NSRP1: variants seen among roughly 807,000 people sequenced by gnomAD.
The protein encoded by NSRP1 is coiled-coil domain containing 55.
In NSRP1, 24 loss-of-function variants were observed where a neutral mutation model predicts 54.7. The ratio of observed to expected loss-of-function variants is 0.44; its 90% CI spans 0.32 to 0.62. The LOEUF (loss-of-function observed/expected upper bound fraction) is 0.62, where lower values mean the gene tolerates loss of function less well. Ranked by LOEUF, NSRP1 falls within the 20% of genes least tolerant of loss-of-function variation. NSRP1 has a pLI of 0.06. For synonymous variants in NSRP1, 210 were observed against 213.8 expected (o/e 0.98, Z 0.15); for missense variants, 596 against 651.2 (o/e 0.92, Z 0.92).
chr17:30,133,711 C>T lies in NSRP1; in HGVS notation c.114+15538C>T, dbSNP rs555413394. On this transcript the variant is annotated intron_variant, in intron 2 of 6. Transcript: ENST00000247026. ...ATTGAGAATCTGTTGTTTATTGTAGCCACTTTCATTGATGGTCCCTGTTAG... is the reference window on the plus strand; with the variant it reads ...ATTGAGAATCTGTTGTTTATTGTAGTCACTTTCATTGATGGTCCCTGTTAG... Among the ~76,000 whole-genome samples, 9 of 152,270 alleles carry T rather than the reference C, an allele frequency of 5.9e-5. No homozygotes were observed. In the South Asian group the frequency reaches 1.9e-3, roughly 32 times the overall value.
chr17:30,180,991 C>T lies in NSRP1; in HGVS notation c.592C>T (p.Pro198Ser). The T allele has an allele frequency of 1.9e-6, 3 of 1,611,512 alleles. No homozygotes were observed. The highest frequency in any genetic ancestry group is 2.2e-5 in the East Asian group (1 of 44,846). ...LNQAVGEEEV[P>S]KCSFREARSG... ...TCAAGCAGTTGGTGAAGAGGAAGTACCTAAATGCAGCTTTCGTGAAGCCAG... is the reference window on the plus strand; with the variant it reads ...TCAAGCAGTTGGTGAAGAGGAAGTATCTAAATGCAGCTTTCGTGAAGCCAG... The change falls in exon 6 of 7, where the codon CCT becomes TCT. Residue 198 changes from proline (P) to serine (S), a missense_variant. Physicochemically the swap from Pro to Ser is moderately conservative, Grantham distance 74. Coordinates refer to ENST00000247026, the MANE Select transcript of NSRP1 (RefSeq NM_032141.4).
intron 2 of NSRP1, among the ~76,000 whole-genome samples, chr17:30,161,289 G>A (rs943108237): frequency 5.3e-5 from 8 of 152,080 alleles, no homozygotes; most frequent in Admixed American, 3.3e-4. Context: ...TGTTTAAATA[G>A]TCATTTTTCT....
At chr17:30,120,964 G>A (rs1048021391) in intron 2 of NSRP1, among the ~76,000 whole-genome samples, 4 of 152,140 alleles carry the variant, frequency 2.6e-5, no homozygotes, top group Non-Finnish European at 5.9e-5. Flanking sequence ...TAACATTCAA[G>A]GCTGGTTTAG....
intron 2 of NSRP1, among the ~76,000 whole-genome samples, chr17:30,126,802 G>A (rs954758333): frequency 2.6e-5 from 4 of 152,138 alleles, no homozygotes; most frequent in African/African-American, 7.2e-5. Flanking sequence ...TTGCCCAGGC[G>A]GGTCTCAAGC....
chr17:30,156,636 C>T (rs2071965441), intron 2 of NSRP1: 1 of 152,170 alleles, frequency 6.6e-6, no homozygotes, highest in African/African-American at 2.4e-5. Flanking sequence ...TTTCCTGCCT[C>T]AGCCTCCCAA....
At chr17:30,130,328 G>A (rs545273052) in intron 2 of NSRP1, among the ~76,000 whole-genome samples, 6 of 152,102 alleles carry the variant, frequency 3.9e-5, no homozygotes, top group Admixed American at 1.3e-4. Context: ...GGAGCCCCTG[G>A]CTTCAAATGA....
intron 3 of NSRP1, among the ~76,000 whole-genome samples, chr17:30,176,412 C>T (rs1247058894): frequency 6.6e-6 from 1 of 151,790 alleles, no homozygotes; most frequent in East Asian, 1.9e-4. Context: ...AGTTCGAGAA[C>T]AGCTTGACCA....
chr17:30,160,344 T>G (rs545852720), intron 2 of NSRP1, among the ~76,000 whole-genome samples: 4 of 152,336 alleles, frequency 2.6e-5, no homozygotes, highest in Admixed American at 1.3e-4. Flanking sequence ...AGAATTCCCT[T>G]CTCTTTTATT....
intron 3 of NSRP1, chr17:30,177,844 G>A: frequency 3.5e-6 from 2 of 572,680 alleles, no homozygotes; most frequent in East Asian, 3.3e-5. Context: ...GGAAATTAAG[G>A]TACCAAAAGA....
intron 2 of NSRP1, among the ~76,000 whole-genome samples, chr17:30,133,422 C>CT (rs1338472500): frequency 2.6e-5 from 4 of 151,906 alleles, no homozygotes; most frequent in Admixed American, 1.3e-4. Flanking sequence ...TGAAAGGAAT[C>CT]TTTTTTTTCA....
At chr17:30,134,867 A>G (rs1336289494) in intron 2 of NSRP1, among the ~76,000 whole-genome samples, 2 of 152,226 alleles carry the variant, frequency 1.3e-5, no homozygotes, top group African/African-American at 4.8e-5. Context: ...AGGGAACACA[A>G]ATAGAAGTTG....
chr17:30,138,380 T>A (rs114049770), intron 2 of NSRP1, among the ~76,000 whole-genome samples: 3,563 of 152,218 alleles, frequency 0.023, 132 homozygotes, highest in African/African-American at 0.082. Context: ...AGGTCCTTCC[T>A]CCCACAGATA....
intron 2 of NSRP1, among the ~76,000 whole-genome samples, chr17:30,153,100 A>G (rs1453711184): frequency 6.6e-6 from 1 of 151,732 alleles, no homozygotes; most frequent in Non-Finnish European, 1.5e-5. Context: ...TTTTTTTAGT[A>G]GAGACGGAGT....
chr17:30,144,804 C>T (rs1025691179), intron 2 of NSRP1: 4 of 152,188 alleles, frequency 2.6e-5, no homozygotes, highest in African/African-American at 9.7e-5. Context: ...GCGCACACTC[C>T]TATCATCAGC....
chr17:30,129,168 T>C (rs2071678073), intron 2 of NSRP1, among the ~76,000 whole-genome samples: 1 of 152,046 alleles, frequency 6.6e-6, no homozygotes, highest in Non-Finnish European at 1.5e-5. Flanking sequence ...TATTAAAATG[T>C]AAAAAGATAT....
chr17:30,148,357 G>A (rs983834596), intron 2 of NSRP1, among the ~76,000 whole-genome samples: 2 of 152,178 alleles, frequency 1.3e-5, no homozygotes, highest in African/African-American at 4.8e-5. Flanking sequence ...ATGTCTATAA[G>A]TGGGAAAGGC....
chr17:30,141,192 T>C (rs766810470), intron 2 of NSRP1, among the ~76,000 whole-genome samples: 25 of 152,218 alleles, frequency 1.6e-4, no homozygotes, highest in Non-Finnish European at 2.9e-4. Flanking sequence ...TTATCTTTAT[T>C]ATCTCCATAT....
At chr17:30,167,141 T>A (rs1904760830) in intron 2 of NSRP1, among the ~76,000 whole-genome samples, 1 of 152,190 alleles carries the variant, frequency 6.6e-6, no homozygotes, top group Admixed American at 6.5e-5. Context: ...CATACGATAT[T>A]TATCTTTTTG....
intron 3 of NSRP1, among the ~76,000 whole-genome samples, chr17:30,177,532 G>A (rs1905166132): frequency 6.6e-6 from 1 of 151,962 alleles, no homozygotes; most frequent in East Asian, 1.9e-4. Flanking sequence ...CTTGAAAGAG[G>A]AGAAAAAAAC....
Sources: gnomAD v4.1 joint callset for allele counts (sites outside exome capture counted in the v4.1 genomes callset) on GRCh38, gnomAD v4.1.1 for gene constraint, MANE v1.5 for transcripts, NCBI Gene and HGNC (gene_info 2026-07-23, HGNC 2026-07-21) for gene names.